Variants in PAK6 observed in about 807,000 individuals in gnomAD.
The protein encoded by PAK6 is p21 (RAC1) activated kinase 6.
Under a neutral mutation model 60.8 loss-of-function variants are expected in PAK6, and 33 were observed. That is an observed-to-expected ratio of 0.54 (90% CI 0.41 to 0.73). The LOEUF (loss-of-function observed/expected upper bound fraction) is 0.73. PAK6 is among the 30% of genes least tolerant of loss of function. The probability of loss-of-function intolerance (pLI) is 0.00; values close to 1 mark genes in which losing one functional copy is unlikely to be tolerated. For synonymous variants in PAK6, 404 were observed against 378.5 expected (o/e 1.07, Z -0.78); for missense variants, 845 against 904.1 (o/e 0.93, Z 0.84).
chr15:40,275,979 A>G (rs1279476884), exon 11 of PAK6: 1 of 1,613,066 alleles, frequency 6.2e-7, no homozygotes, highest in Non-Finnish European at 8.5e-7. Context: ...CGGGACCCCC[A>G]AGAGAGAGCC....
chr15:40,245,296 T>C (rs2038467589), intron 2 of PAK6: 2 of 152,360 alleles, frequency 1.3e-5, no homozygotes, highest in South Asian at 2.1e-4. Flanking sequence ...TCAGTGCAGA[T>C]AGCAACAAAC....
At position 40,263,869 on chromosome 15, in the gene PAK6, G is replaced by A. The variant is rs758972672; in HGVS notation, c.-5-912G>A. 24 of 455,052 alleles carry A rather than the reference G, an allele frequency of 5.3e-5. 1 individual carries two copies. Among genetic ancestry groups the A allele is most frequent in the South Asian group, 2.8e-4 (18 of 64,454 alleles). The allele number at this position is 455,052 out of a possible 1,614,324, so 28.2% of individuals were successfully genotyped here. A position where few individuals can be genotyped will look rare whatever the true frequency, so the allele number is the denominator to read the frequency against. ...TGACCTCAGGTGATCCACCCGCCTC[G>A]GCCTCCCAGAGTACTAGGATTACAG... On this transcript the variant is annotated intron_variant, in intron 3 of 10. Transcript: ENST00000560346.
intron 10 of PAK6, 26 bp downstream of exon 10, chr15:40,274,302 C>A (rs1254543039): frequency 6.4e-7 from 1 of 1,564,388 alleles, no homozygotes; most frequent in East Asian, 2.3e-5. Context: ...AGGGTGCGAC[C>A]TCGCAGACCC....
chr15:40,253,488 C>T (rs2038747860), intron 3 of PAK6, among the ~76,000 whole-genome samples, 199 bp downstream of exon 3: 1 of 152,252 alleles, frequency 6.6e-6, no homozygotes, highest in Admixed American at 6.5e-5. Context: ...CCACTTTGCC[C>T]CATGGCCCCA....
chr15:40,256,179 C>T (rs1027225207), intron 3 of PAK6, among the ~76,000 whole-genome samples: 1 of 152,138 alleles, frequency 6.6e-6, no homozygotes, highest in Non-Finnish European at 1.5e-5. Flanking sequence ...AAGCTCTGAT[C>T]GCGCCACTGC....
At chr15:40,240,812 T>G (rs930127754) in intron 2 of PAK6, 131 bp downstream of exon 2, 1 of 331,734 alleles carries the variant, frequency 3.0e-6, no homozygotes, top group African/African-American at 2.2e-5. Flanking sequence ...GTCAAGGGGC[T>G]CCACTCCCCA....
At chr15:40,259,557 CG>C (rs2038928046) in intron 3 of PAK6, 1 of 151,986 alleles carries the variant, frequency 6.6e-6, no homozygotes, top group African/African-American at 2.4e-5. Flanking sequence ...AGGCTGAAGG[CG>C]GGTGGATCAC....
chr15:40,252,750 C>T, intron 2 of PAK6: 1 of 1,301,986 alleles, frequency 7.7e-7, no homozygotes, highest in Non-Finnish European at 1.0e-6. Flanking sequence ...CCAACACGCG[C>T]AGCCCCCTTC....
intron 2 of PAK6, among the ~76,000 whole-genome samples, chr15:40,244,286 G>A (rs545620454): frequency 1.1e-4 from 16 of 146,136 alleles, no homozygotes; most frequent in African/African-American, 3.5e-4. Flanking sequence ...AGCTGGGATC[G>A]TGCCACTGCA....
At chr15:40,266,100 C>A in exon 5 of PAK6, 1 of 1,609,464 alleles carries the variant, frequency 6.2e-7, no homozygotes, top group South Asian at 1.1e-5. Flanking sequence ...ACCAGCAGGC[C>A]ACAAGCAGAT....
intron 2 of PAK6, among the ~76,000 whole-genome samples, chr15:40,249,602 T>G (rs1367348833): frequency 2.0e-5 from 3 of 152,338 alleles, no homozygotes; most frequent in African/African-American, 7.2e-5. Context: ...AAGAGCTTGT[T>G]AGTCGCCTTC....
intron 3 of PAK6, among the ~76,000 whole-genome samples, chr15:40,264,234 A>AT (rs1420673132): frequency 6.6e-6 from 1 of 152,052 alleles, no homozygotes; most frequent in Admixed American, 6.5e-5. Context: ...AAAAAAAAAA[A>AT]GCCAACAAAA....
At position 40,246,812 on chromosome 15, in the gene PAK6, T is replaced by A. The variant is rs140428084; in HGVS notation, c.-118+6131T>A. On this transcript the variant is annotated intron_variant, in intron 2 of 10. Coordinates refer to ENST00000560346, the Ensembl canonical transcript of PAK6. The stretch of plus-strand genomic sequence containing the variant: ...ATGGCAGCATGGCACAGACACGCCA[T>A]GTGGCAGTTAGACAGGTCATGCCTT... The A allele has an allele frequency of 4.4e-3, 668 of 152,490 alleles. 2 individuals carry two copies. The highest frequency in any genetic ancestry group is 0.014 in the South Asian group (66 of 4,832). The allele number at this position is 152,490 out of a possible 1,614,324, so 9.4% of individuals were successfully genotyped here.
chr15:40,265,008 G>A lies in PAK6; in HGVS notation c.204+19G>A. 6.2e-7 allele frequency: 1 copy of A among 1,608,648 alleles called. No individual in the cohort carries two copies. Among genetic ancestry groups the A allele is most frequent in the Non-Finnish European group, 8.5e-7 (1 of 1,177,200 alleles). On this transcript the variant is annotated intron_variant, in intron 4 of 10. Transcript: ENST00000560346. The stretch of plus-strand genomic sequence containing the variant: ...CATGAAGGTAAGAGGGGCCGGCAGG[G>A]ATGAGGTTCAGCCTCTCCCAGTACT...
chr15:40,242,838 T>C (rs930432167), intron 2 of PAK6, among the ~76,000 whole-genome samples: 1 of 152,170 alleles, frequency 6.6e-6, no homozygotes, highest in Non-Finnish European at 1.5e-5. Context: ...CAGCACCTTG[T>C]TCTGGCGCAC....
At chr15:40,241,773 G>A (rs142002419) in intron 2 of PAK6, among the ~76,000 whole-genome samples, 345 of 152,302 alleles carry the variant, frequency 2.3e-3, no homozygotes, top group African/African-American at 8.0e-3. Context: ...GCAGTGGGTG[G>A]GGTCTCCAGC....
At chr15:40,264,549 CT>C in intron 3 of PAK6, 1 of 626,776 alleles carries the variant, frequency 1.6e-6, no homozygotes, top group Middle Eastern at 2.5e-4. Flanking sequence ...ACCTCTTTTC[CT>C]TGTTTATAGT....
chr15:40,253,888 T>C (rs1341373714), intron 3 of PAK6, among the ~76,000 whole-genome samples: 2 of 91,076 alleles, frequency 2.2e-5, no homozygotes, highest in African/African-American at 5.8e-5. Context: ...ATTCTGGTGG[T>C]TTTTTGGGGG....
chr15:40,277,188 C>G (rs1457284459), exon 11 of PAK6: 1 of 152,300 alleles, frequency 6.6e-6, no homozygotes, highest in African/African-American at 2.4e-5. Context: ...TCCATGTGTG[C>G]AAACCATCTG....
Sources: gnomAD v4.1 joint callset for allele counts (sites outside exome capture counted in the v4.1 genomes callset) on GRCh38, gnomAD v4.1.1 for gene constraint, MANE v1.5 for transcripts, NCBI Gene and HGNC (gene_info 2026-07-23, HGNC 2026-07-21) for gene names.